LAMA3: variants seen among roughly 807,000 people sequenced by gnomAD.
LAMA3 encodes laminin subunit alpha-3.
LAMA3 carries 281 observed loss-of-function variants against 402.0 expected under a neutral mutation model. The ratio of observed to expected loss-of-function variants is 0.70; its 90% CI spans 0.63 to 0.77. The LOEUF is 0.77. LAMA3 is among the 30% of genes least tolerant of loss of function. The pLI, the probability that LAMA3 is intolerant of heterozygous loss-of-function variation, is 0.00. For missense variants in LAMA3, 3,840 were observed against 4,215.5 expected, an observed-to-expected ratio of 0.91 and a Z score of 2.47; for synonymous variants, 1,431 against 1,558.4, an observed-to-expected ratio of 0.92 and a Z score of 1.93.
At position 23,745,253 on chromosome 18, in the gene LAMA3, C is replaced by T. The variant is rs12956912; in HGVS notation, c.448-2690C>T. Among the ~76,000 whole-genome samples, 268 of 151,952 alleles carry T rather than the reference C, an allele frequency of 1.8e-3. 3 individuals are homozygous for T. Among genetic ancestry groups the T allele is most frequent in the Non-Finnish European group, 3.1e-3 (210 of 67,996 alleles). ...ACAGTTGGTGAATCTAGGTGAAAAGCATATGAGTATTCATTGTATTGTTCT... is the reference window on the plus strand; with the variant it reads ...ACAGTTGGTGAATCTAGGTGAAAAGTATATGAGTATTCATTGTATTGTTCT... On this transcript the variant is annotated intron_variant, in intron 2 of 74. Transcript: ENST00000313654.
chr18:23,915,069 G>C (rs1482109931), intron 58 of LAMA3, among the ~76,000 whole-genome samples: 1 of 152,128 alleles, frequency 6.6e-6, no homozygotes, highest in East Asian at 1.9e-4. Context: ...TAAGCATCAT[G>C]ATCATTCCCA....
intron 12 of LAMA3, among the ~76,000 whole-genome samples, chr18:23,786,074 T>C (rs958244579): frequency 6.6e-6 from 1 of 152,192 alleles, no homozygotes; most frequent in African/African-American, 2.4e-5. Flanking sequence ...AGTGAAAATA[T>C]TTTAAAAAAT....
At chr18:23,939,765 A>G in intron 68 of LAMA3, among the ~76,000 whole-genome samples, 1 of 152,160 alleles carries the variant, frequency 6.6e-6, no homozygotes, top group East Asian at 1.9e-4. Context: ...TTTTTGGTAG[A>G]CGCAGTGCCA....
chr18:23,906,006 C>T (rs2081237708), intron 52 of LAMA3, among the ~76,000 whole-genome samples: 1 of 152,124 alleles, frequency 6.6e-6, no homozygotes, highest in Non-Finnish European at 1.5e-5. Context: ...CTTACGGGAT[C>T]CTCCTGTCTC....
chr18:23,781,016 G>A (rs928324199), intron 11 of LAMA3, among the ~76,000 whole-genome samples: 1 of 152,164 alleles, frequency 6.6e-6, no homozygotes, highest in Non-Finnish European at 1.5e-5. Context: ...GATGAGGTCT[G>A]GAACTCTGGC....
chr18:23,933,750 G>A, intron 66 of LAMA3, 32 bp from the exon 67 acceptor site: 1 of 1,612,534 alleles, frequency 6.2e-7, no homozygotes, highest in Non-Finnish European at 8.5e-7. Context: ...GTCCAAGTTT[G>A]GCAGCATCTT....
chr18:23,948,352 C>T (rs901415204), intron 70 of LAMA3, among the ~76,000 whole-genome samples: 3 of 152,180 alleles, frequency 2.0e-5, no homozygotes, highest in African/African-American at 7.2e-5. Flanking sequence ...AGGCCACATC[C>T]GATCAGTGTC....
At chr18:23,945,037 G>A (rs1461837326) in intron 69 of LAMA3, among the ~76,000 whole-genome samples, 1 of 152,162 alleles carries the variant, frequency 6.6e-6, no homozygotes, top group Non-Finnish European at 1.5e-5. Flanking sequence ...GGAGGCTGAG[G>A]CAGGAGAATC....
At chr18:23,820,038 C>T (rs747860599) in intron 19 of LAMA3, 41 bp downstream of exon 19, 2 of 1,605,238 alleles carry the variant, frequency 1.2e-6, no homozygotes, top group South Asian at 1.1e-5. Flanking sequence ...CTGAGTAGCT[C>T]AGATACTTCC....
chr18:23,861,314 AT>A (rs1453050807), intron 34 of LAMA3, among the ~76,000 whole-genome samples: 1 of 152,208 alleles, frequency 6.6e-6, no homozygotes, highest in African/African-American at 2.4e-5. Context: ...TTGCCATTAA[AT>A]GCGCCATGGT....
At chr18:23,828,625 G>A (rs2063432707) in intron 23 of LAMA3, among the ~76,000 whole-genome samples, 1 of 152,078 alleles carries the variant, frequency 6.6e-6, no homozygotes, top group African/African-American at 2.4e-5. Context: ...ACAACAAGAG[G>A]TACCGTTGAG....
In LAMA3 at chr18:23,837,005, T is replaced by C. The variant is rs777197126; in HGVS notation, c.3009T>C (p.Ile1003=). 2 of 1,613,792 alleles carry C rather than the reference T, an allele frequency of 1.2e-6. No individual in the cohort carries two copies. The highest frequency in any genetic ancestry group is 2.7e-5 in the African/African-American group (2 of 74,938). Reference sequence around the variant, plus strand: ...GTGTTCTCTGCCGGAGTGCTGTGATTGATCACATGAGCCGCATCGCCATGT... The same window carrying C: ...GTGTTCTCTGCCGGAGTGCTGTGATCGATCACATGAGCCGCATCGCCATGT... The part of the protein sequence containing the change: ...NYSVLCRSAV[I]DHMSRIAMYE... The change falls in exon 25 of 75, where the codon ATT becomes ATC. Residue 1003 remains isoleucine (I), a synonymous_variant. Coordinates refer to ENST00000313654, the MANE Select transcript of LAMA3 (RefSeq NM_198129.4).
chr18:23,789,018 A>C (rs2144059018), intron 12 of LAMA3, among the ~76,000 whole-genome samples: 1 of 152,190 alleles, frequency 6.6e-6, no homozygotes, highest in African/African-American at 2.4e-5. Flanking sequence ...CCTGAAAATG[A>C]GTAAAGGATT....
intron 72 of LAMA3, among the ~76,000 whole-genome samples, chr18:23,951,246 A>G (rs2082897180): frequency 6.6e-6 from 1 of 152,204 alleles, no homozygotes. Context: ...AAGTCTTGCC[A>G]TGCATGGAAC....
At chr18:23,703,020 T>C (rs1472565316) in intron 1 of LAMA3, among the ~76,000 whole-genome samples, 1 of 152,220 alleles carries the variant, frequency 6.6e-6, no homozygotes, top group Non-Finnish European at 1.5e-5. Flanking sequence ...CTTTTGTCAT[T>C]ACTACCATCA....
chr18:23,953,332 T>A (rs1199338770), intron 74 of LAMA3, among the ~76,000 whole-genome samples: 1 of 148,660 alleles, frequency 6.7e-6, no homozygotes, highest in African/African-American at 2.5e-5. Flanking sequence ...TTTGTTTTTT[T>A]TTTTTGTTTT....
chr18:23,949,807 C>G lies in LAMA3; in HGVS notation c.9394C>G (p.Gln3132Glu). Residue 3132 changes from glutamine (Q) to glutamate (E), a missense_variant, in exon 71 of 75, where the codon CAG (glutamine) becomes GAG (glutamate). Physicochemically the swap from Gln to Glu is conservative, Grantham distance 29 (BLOSUM62 2). This residue lies in a region of LAMA3 where 840 missense variants were observed against 981.9 expected (regional missense o/e 0.86). Transcript: ENST00000313654. ...CTTTGTGGGATGCCTGAAGAACTTT[C>G]AGCTGGATTCAAAACCCTTGTATAC... is the stretch of plus-strand genomic sequence containing the variant. ...NSFVGCLKNFQLDSKPLYTPS... is the reference protein window; with the variant it reads ...NSFVGCLKNFELDSKPLYTPS... 2 of 1,614,052 alleles carry G rather than the reference C, an allele frequency of 1.2e-6. No individual in the cohort carries two copies. Among genetic ancestry groups the G allele is most frequent in the African/African-American group, 1.3e-5 (1 of 75,016 alleles).
chr18:23,858,090 G>A (rs576574278), intron 33 of LAMA3, 102 bp downstream of exon 33: 17 of 1,344,904 alleles, frequency 1.3e-5, no homozygotes, highest in South Asian at 2.4e-5. Flanking sequence ...GGACTGACCC[G>A]TAAGAGATGT....
rs2082166425 is a variant in LAMA3 at position 23,931,628 on chromosome 18, A to G, written c.8576+427A>G. On this transcript the variant is annotated intron_variant, in intron 65 of 74. Coordinates refer to ENST00000313654, the MANE Select transcript of LAMA3 (RefSeq NM_198129.4). ...AGGATCTAGAACTATATGTAATGAC[A>G]TGAATGACCCTCACAAACATAATGT... 5 of 203,612 alleles carry G rather than the reference A, an allele frequency of 2.5e-5. No homozygotes were observed. The South Asian group carries it at 4.5e-4, about 18-fold the overall frequency. The allele number at this position is 203,612 out of a possible 1,614,324, so 12.6% of individuals were successfully genotyped here.
Sources: allele counts gnomAD v4.1 joint callset (sites outside exome capture counted in the v4.1 genomes callset), GRCh38; gene constraint gnomAD v4.1.1; regional missense constraint gnomAD v4.1.1; transcripts MANE v1.5; gene names NCBI Gene and HGNC (gene_info 2026-07-23, HGNC 2026-07-21).